CCDC171: variants seen among roughly 807,000 people sequenced by gnomAD.
The protein encoded by CCDC171 is coiled-coil domain-containing protein 171.
Under a neutral mutation model 168.2 loss-of-function variants are expected in CCDC171, and 177 were observed. The ratio of observed to expected loss-of-function variants is 1.05; its 90% CI spans 0.93 to 1.19. The LOEUF (loss-of-function observed/expected upper bound fraction) is 1.19, where lower values mean the gene tolerates loss of function less well. CCDC171 is among the 50% of genes most tolerant of loss of function. The pLI is 0.00. For missense variants in CCDC171, 1,991 were observed against 1,539.0 expected (o/e 1.29, Z -4.91); for synonymous variants, 687 against 540.8 (o/e 1.27, Z -3.75).
downstream of CCDC171, among the ~76,000 whole-genome samples, chr9:16,063,801 T>C (rs1353939853): frequency 2.6e-5 from 4 of 152,216 alleles, no homozygotes; most frequent in African/African-American, 9.6e-5. Context: ...CTCCATTTTA[T>C]TAAAGGAGAA....
intron 1 of CCDC171, among the ~76,000 whole-genome samples, chr9:16,059,414 T>A (rs1362508029): frequency 6.6e-6 from 1 of 151,718 alleles, no homozygotes; most frequent in Non-Finnish European, 1.5e-5. Context: ...ACTTCCACAC[T>A]GTGAGTGATG....
At chr9:15,836,388 C>T (rs2060451351) in intron 21 of CCDC171, among the ~76,000 whole-genome samples, 3 of 152,164 alleles carry the variant, frequency 2.0e-5, no homozygotes, top group South Asian at 2.1e-4. Flanking sequence ...TTTTTTGAAA[C>T]GGAGTCTCTC....
At chr9:15,950,625 G>A (rs776278742) in intron 25 of CCDC171, among the ~76,000 whole-genome samples, 9 of 151,826 alleles carry the variant, frequency 5.9e-5, no homozygotes, top group East Asian at 1.9e-4. Flanking sequence ...TGAAGGAAGC[G>A]CTAAACATGG....
chr9:15,950,973 T>C (rs3124460), intron 25 of CCDC171, among the ~76,000 whole-genome samples: 66,766 of 150,396 alleles, frequency 0.44, 15,125 homozygotes, highest in African/African-American at 0.51. Flanking sequence ...GGGTTGCAAT[T>C]CTAGTCTCTG....
chr9:15,889,742 C>G (rs1016498848), intron 24 of CCDC171, among the ~76,000 whole-genome samples: 13 of 152,180 alleles, frequency 8.5e-5, no homozygotes, highest in African/African-American at 3.1e-4. Context: ...ACTTACTTAT[C>G]TTTTCTTACT....
chr9:15,559,450 C>T (rs1347832882), intron 1 of CCDC171, among the ~76,000 whole-genome samples: 1 of 152,154 alleles, frequency 6.6e-6, no homozygotes, highest in Non-Finnish European at 1.5e-5. Context: ...GGATAGTTAG[C>T]TCTTCTTGTT....
chr9:16,072,299 T>C, the CCDC171 span, among the ~76,000 whole-genome samples: 1 of 152,170 alleles, frequency 6.6e-6, no homozygotes, highest in East Asian at 1.9e-4. Context: ...CAATTTAGTG[T>C]CTTCCTCTCC....
intron 2 of CCDC171, 129 bp from the exon 3 acceptor site, chr9:15,571,495 G>C: frequency 1.5e-6 from 1 of 658,000 alleles, no homozygotes; most frequent in Non-Finnish European, 2.4e-6. Flanking sequence ...ACTAGATTGT[G>C]AACTCTAAGT....
chr9:15,709,797 A>G (rs7868779), intron 11 of CCDC171, among the ~76,000 whole-genome samples: 72,042 of 152,026 alleles, frequency 0.47, 17,528 homozygotes, highest in East Asian at 0.78. Context: ...AGATCCTCCT[A>G]TGATCTTTCT....
intron 21 of CCDC171, among the ~76,000 whole-genome samples, chr9:15,832,532 C>T (rs774538107): frequency 1.1e-4 from 16 of 152,082 alleles, no homozygotes; most frequent in Non-Finnish European, 2.4e-4. Context: ...AATTGTAACA[C>T]AGTGGTAAGG....
intron 25 of CCDC171, among the ~76,000 whole-genome samples, chr9:15,960,955 T>G (rs953128199): frequency 2.0e-5 from 3 of 151,544 alleles, no homozygotes; most frequent in Non-Finnish European, 4.4e-5. Flanking sequence ...ATTTTAGGTG[T>G]GATATAATGG....
In CCDC171 at chr9:15,919,517, G is replaced by C. The variant is rs554730996; in HGVS notation, c.3601-753G>C. 1.5e-4 allele frequency among the ~76,000 whole-genome samples: 22 copies of C among 151,546 alleles called. 1 individual carries two copies. The South Asian group carries it at 1.5e-3, about 10-fold the overall frequency. On this transcript the variant is annotated intron_variant, in intron 24 of 25. Transcript: ENST00000380701. Reference sequence around the variant, plus strand: ...GTCTTTGAAATATGGGATTTATTTTGCTATATTTGAGTTATTTTGAAAGTC... The same window carrying C: ...GTCTTTGAAATATGGGATTTATTTTCCTATATTTGAGTTATTTTGAAAGTC...
intron 21 of CCDC171, among the ~76,000 whole-genome samples, chr9:15,806,246 A>G (rs2059071203): frequency 6.6e-6 from 1 of 152,042 alleles, no homozygotes; most frequent in Non-Finnish European, 1.5e-5. Flanking sequence ...TAAGGTTAGT[A>G]TTGTTATGTG....
chr9:15,573,325 G>T (rs2131112425), intron 3 of CCDC171, among the ~76,000 whole-genome samples: 1 of 152,180 alleles, frequency 6.6e-6, no homozygotes, highest in African/African-American at 2.4e-5. Flanking sequence ...ACCCAGGCTG[G>T]AGTGCAGTGG....
chr9:15,686,707 C>T (rs112509816), intron 10 of CCDC171, among the ~76,000 whole-genome samples: 18 of 152,130 alleles, frequency 1.2e-4, no homozygotes, highest in African/African-American at 3.9e-4. Context: ...TCCACCAGAA[C>T]GATCTAACAT....
chr9:16,100,074 C>G, the CCDC171 span, among the ~76,000 whole-genome samples: 2 of 151,802 alleles, frequency 1.3e-5, no homozygotes, highest in African/African-American at 4.8e-5. Flanking sequence ...ACCAGCAAAA[C>G]CTGAGCTTTC....
At chr9:15,790,514 A>G (rs977953548) in intron 21 of CCDC171, among the ~76,000 whole-genome samples, 1 of 152,174 alleles carries the variant, frequency 6.6e-6, no homozygotes, top group African/African-American at 2.4e-5. Context: ...TCAGATGAGT[A>G]GATTGCAAAA....
At chr9:15,701,043 A>T (rs1004844766) in intron 11 of CCDC171, among the ~76,000 whole-genome samples, 4 of 152,076 alleles carry the variant, frequency 2.6e-5, no homozygotes, top group African/African-American at 9.7e-5. Flanking sequence ...TTCTTTTGAG[A>T]AATGTCTACT....
intron 7 of CCDC171, among the ~76,000 whole-genome samples, chr9:15,629,122 G>A (rs1165417228): frequency 2.0e-5 from 3 of 152,100 alleles, no homozygotes; most frequent in East Asian, 1.9e-4. Flanking sequence ...AAAGCAGAGC[G>A]CCTCTCCTCC....
Sources: allele counts gnomAD v4.1 joint callset (sites outside exome capture counted in the v4.1 genomes callset), GRCh38; gene constraint gnomAD v4.1.1; transcripts MANE v1.5; gene names NCBI Gene and HGNC (gene_info 2026-07-23, HGNC 2026-07-21).